The following PTPN13 variants were observed in gnomAD, a reference collection of about 807,000 sequenced individuals.
PTPN13 encodes tyrosine-protein phosphatase non-receptor type 13.
In PTPN13, 191 loss-of-function variants were observed where a neutral mutation model predicts 284.0. The observed-to-expected ratio is 0.67, with a 90% confidence interval of 0.60 to 0.76. The LOEUF is 0.76. Among genes scored for constraint, PTPN13 ranks in the 30% least tolerant of loss-of-function variants. The pLI is 0.00. For synonymous variants in PTPN13, 986 were observed against 1,022.3 expected (o/e 0.96, Z 0.68); for missense variants, 2,797 against 2,939.9 (o/e 0.95, Z 1.12).
In PTPN13 at chr4:86,615,719, A is replaced by C. The variant is rs1332854181; in HGVS notation, c.-5-19533A>C. ...GTTTTTCTATATTATTAGAAGGTAC[A>C]TATATGATACTGAAAACTACCCAAT... is the stretch of plus-strand genomic sequence containing the variant. On this transcript the variant is annotated intron_variant, in intron 1 of 47. Coordinates refer to ENST00000411767, the MANE Select transcript of PTPN13 (RefSeq NM_080683.3). 2.0e-5 allele frequency among the ~76,000 whole-genome samples: 3 copies of C among 152,172 alleles called. No homozygotes were observed. In the East Asian group the frequency reaches 5.8e-4, roughly 29 times the overall value.
chr4:86,679,336 A>C (rs1728632735), intron 3 of PTPN13, among the ~76,000 whole-genome samples: 1 of 152,156 alleles, frequency 6.6e-6, no homozygotes. Flanking sequence ...TGTATACAGC[A>C]GTGAAGATTT....
chr4:86,668,870 G>A (rs926121514), intron 2 of PTPN13, among the ~76,000 whole-genome samples: 1 of 150,348 alleles, frequency 6.7e-6, no homozygotes, highest in Admixed American at 6.7e-5. Flanking sequence ...GCCTCCCAAA[G>A]TGCTGGGATT....
intron 1 of PTPN13, among the ~76,000 whole-genome samples, chr4:86,618,519 T>G (rs376958836): frequency 2.6e-4 from 40 of 152,262 alleles, no homozygotes; most frequent in African/African-American, 7.2e-4. Flanking sequence ...ACCTTGGGCA[T>G]TATGGCCATT....
At chr4:86,648,302 C>T (rs1350663516) in intron 2 of PTPN13, among the ~76,000 whole-genome samples, 1 of 152,136 alleles carries the variant, frequency 6.6e-6, no homozygotes, top group Non-Finnish European at 1.5e-5. Context: ...TATTGTGCTA[C>T]TGAACATTAC....
At chr4:86,724,999 G>T (rs1401809230) in intron 10 of PTPN13, among the ~76,000 whole-genome samples, 1 of 142,396 alleles carries the variant, frequency 7.0e-6, no homozygotes, top group Admixed American at 7.2e-5. Flanking sequence ...CTTGGTGTGT[G>T]ATGTTTCCCG....
intron 1 of PTPN13, among the ~76,000 whole-genome samples, chr4:86,619,677 A>C (rs558643564): frequency 6.6e-6 from 1 of 152,314 alleles, no homozygotes; most frequent in African/African-American, 2.4e-5. Context: ...TTCTAAGAGT[A>C]GTAATATGGT....
At chr4:86,772,565 C>CA (rs1329079183) in intron 31 of PTPN13, among the ~76,000 whole-genome samples, 1 of 151,212 alleles carries the variant, frequency 6.6e-6, no homozygotes, top group African/African-American at 2.4e-5. Context: ...ACAACAACAA[C>CA]AAAAAAAACC....
chr4:86,630,182 C>T (rs994977572), intron 1 of PTPN13, among the ~76,000 whole-genome samples: 1 of 152,044 alleles, frequency 6.6e-6, no homozygotes, highest in Admixed American at 6.6e-5. Context: ...GTTAACATCC[C>T]ATAAACACTT....
chr4:86,814,366 C>A, intron 47 of PTPN13, 90 bp from the exon 48 acceptor site: 1 of 872,610 alleles, frequency 1.1e-6, no homozygotes, highest in Admixed American at 3.1e-5. Flanking sequence ...AAAACTCATC[C>A]AACATCACTT....
chr4:86,772,721 TA>T, intron 31 of PTPN13, 56 bp from the exon 32 acceptor site: 1 of 1,386,648 alleles, frequency 7.2e-7, no homozygotes, highest in Non-Finnish European at 9.8e-7. Flanking sequence ...TGGCACAAAC[TA>T]ACCATATTGA....
chr4:86,639,756 C>T (rs555930986), intron 2 of PTPN13, among the ~76,000 whole-genome samples: 56 of 152,008 alleles, frequency 3.7e-4, no homozygotes, highest in African/African-American at 1.2e-3. Flanking sequence ...GTGCAGCACA[C>T]CAGCATGGCA....
intron 1 of PTPN13, among the ~76,000 whole-genome samples, chr4:86,611,605 C>T (rs1257097113): frequency 1.3e-5 from 2 of 152,116 alleles, no homozygotes; most frequent in Admixed American, 6.5e-5. Flanking sequence ...GACAGTGATC[C>T]GTGAGAGATG....
intron 7 of PTPN13, among the ~76,000 whole-genome samples, chr4:86,704,998 T>C (rs1359887826): frequency 6.6e-6 from 1 of 152,222 alleles, no homozygotes; most frequent in East Asian, 1.9e-4. Context: ...GTTGAGTAAC[T>C]TGCTGGTCTT....
intron 1 of PTPN13, among the ~76,000 whole-genome samples, chr4:86,617,057 G>A (rs967945911): frequency 6.6e-6 from 1 of 152,104 alleles, no homozygotes; most frequent in Non-Finnish European, 1.5e-5. Context: ...GGGAAGCCAC[G>A]AAGCATTGGA....
intron 19 of PTPN13, among the ~76,000 whole-genome samples, chr4:86,751,920 T>C (rs963503994): frequency 7.0e-6 from 1 of 143,116 alleles, no homozygotes; most frequent in African/African-American, 2.5e-5. Context: ...TGAAATTGTA[T>C]GTATGTGTGT....
chr4:86,801,558 A>C (rs1288175490), intron 42 of PTPN13, among the ~76,000 whole-genome samples: 1 of 152,214 alleles, frequency 6.6e-6, no homozygotes, highest in Non-Finnish European at 1.5e-5. Flanking sequence ...GAACCTAAGA[A>C]GCACTGAGAA....
At chr4:86,738,185 T>C (rs28868582) in intron 15 of PTPN13, among the ~76,000 whole-genome samples, 12,453 of 151,884 alleles carry the variant, frequency 0.082, 647 homozygotes, top group Non-Finnish European at 0.11. Context: ...CCAGTTCACA[T>C]TTTTCTGTGA....
At chr4:86,691,054 G>C (rs1440445417) in intron 5 of PTPN13, among the ~76,000 whole-genome samples, 2 of 151,896 alleles carry the variant, frequency 1.3e-5, no homozygotes, top group Non-Finnish European at 1.5e-5. Context: ...TACAAATTAT[G>C]ACTGCATTGA....
chr4:86,704,906 G>A (rs932004731), intron 7 of PTPN13, among the ~76,000 whole-genome samples: 2 of 152,176 alleles, frequency 1.3e-5, no homozygotes, highest in Non-Finnish European at 2.9e-5. Flanking sequence ...AATAAATTAT[G>A]TTTGCTTTAG....
Sources: allele counts gnomAD v4.1 joint callset (sites outside exome capture counted in the v4.1 genomes callset), GRCh38; gene constraint gnomAD v4.1.1; transcripts MANE v1.5; gene names NCBI Gene and HGNC (gene_info 2026-07-23, HGNC 2026-07-21).